The following WNK1 variants were observed in gnomAD, a reference collection of about 807,000 sequenced individuals.
WNK1 encodes serine/threonine-protein kinase WNK1.
A neutral mutation model predicts 222.8 loss-of-function variants in WNK1; 38 were observed. The ratio of observed to expected loss-of-function variants is 0.17; its 90% CI spans 0.13 to 0.22. The LOEUF (loss-of-function observed/expected upper bound fraction) is 0.22, where lower values mean the gene tolerates loss of function less well. Among genes scored for constraint, WNK1 ranks in the 10% least tolerant of loss-of-function variants. WNK1 has a pLI of 1.00. For synonymous variants in WNK1, 1,090 were observed against 1,092.9 expected, an observed-to-expected ratio of 1.00 and a Z score of 0.05; for missense variants, 2,348 against 2,918.4, an observed-to-expected ratio of 0.80 and a Z score of 4.50.
At chr12:852,047 G>A (rs969366252) in intron 4 of WNK1, among the ~76,000 whole-genome samples, 6 of 152,040 alleles carry the variant, frequency 3.9e-5, no homozygotes, top group Admixed American at 3.9e-4. Context: ...GTTACCCTAC[G>A]ACATTTGAAG....
At chr12:771,486 T>A (rs908748059) in intron 1 of WNK1, among the ~76,000 whole-genome samples, 1 of 151,932 alleles carries the variant, frequency 6.6e-6, no homozygotes, top group Non-Finnish European at 1.5e-5. Context: ...AATAGTTAAA[T>A]TTTTTTGTTT....
intron 1 of WNK1, among the ~76,000 whole-genome samples, chr12:802,285 A>G (rs904047297): frequency 2.0e-4 from 31 of 152,352 alleles, no homozygotes; most frequent in Non-Finnish European, 3.2e-4. Flanking sequence ...AAAAATATCA[A>G]GTAAATATTA....
At chr12:854,541 G>A (rs1333432919) in intron 4 of WNK1, among the ~76,000 whole-genome samples, 1 of 151,678 alleles carries the variant, frequency 6.6e-6, no homozygotes, top group African/African-American at 2.4e-5. Flanking sequence ...TAGAGACGGG[G>A]TTTCACCATG....
At chr12:824,916 CTCCA>C (rs1234609924) in intron 2 of WNK1, among the ~76,000 whole-genome samples, 2 of 152,238 alleles carry the variant, frequency 1.3e-5, no homozygotes, top group South Asian at 4.1e-4. Context: ...TTTATTCATC[CTCCA>C]TCCATCTTAT....
intron 8 of WNK1, chr12:868,650 GCTC>G: frequency 1.2e-6 from 2 of 1,614,016 alleles, no homozygotes; most frequent in Non-Finnish European, 1.7e-6. Context: ...CACACACCAA[GCTC>G]CTCTTCAGGA....
At chr12:816,724 T>G (rs1046640458) in intron 2 of WNK1, among the ~76,000 whole-genome samples, 2 of 152,176 alleles carry the variant, frequency 1.3e-5, no homozygotes, top group Non-Finnish European at 2.9e-5. Context: ...CGGGGACATT[T>G]TCACAGTTCC....
intron 8 of WNK1, chr12:867,891 G>C (rs760693826): frequency 6.2e-7 from 1 of 1,613,928 alleles, no homozygotes; most frequent in Non-Finnish European, 8.5e-7. Context: ...CATCCGTGTG[G>C]GGGGACCCCA....
chr12:880,080 A>G (rs1250506085), intron 11 of WNK1, 49 bp downstream of exon 11: 7 of 1,549,456 alleles, frequency 4.5e-6, no homozygotes, highest in Non-Finnish European at 6.2e-6. Flanking sequence ...TGATCCTAGT[A>G]GATCATCAGG....
intron 21 of WNK1, among the ~76,000 whole-genome samples, chr12:889,556 C>T (rs1165950490): frequency 2.6e-5 from 4 of 152,158 alleles, no homozygotes; most frequent in African/African-American, 9.7e-5. Flanking sequence ...CAGTGGCTCA[C>T]GCCTGTAATC....
At chr12:826,994 C>A in intron 2 of WNK1, 48 bp from the exon 3 acceptor site, 1 of 1,499,822 alleles carries the variant, frequency 6.7e-7, no homozygotes, top group Non-Finnish European at 9.3e-7. Flanking sequence ...TTCAAAGCAA[C>A]AAACTCCTAT....
In WNK1 at chr12:880,871, G is replaced by T. The variant is rs754908616; in HGVS notation, c.2983G>T (p.Val995Leu). The change falls in exon 12 of 28, where the codon GTG becomes TTG. Residue 995 changes from valine to leucine, a missense_variant. By Grantham distance (32) the Val-to-Leu change is conservative. Transcript: ENST00000315939. The stretch of plus-strand genomic sequence containing the variant: ...TACACCTGGGTACTTTCCCACAGTG[G>T]TGCAGCCTTATGTGGAATCAAATCT... ...LATPGYFPTV[V>L]QPYVESNLLV... 4 of 1,614,022 alleles carry T rather than the reference G, an allele frequency of 2.5e-6. No homozygotes were observed. The highest frequency in any genetic ancestry group is 2.7e-5 in the African/African-American group (2 of 74,898).
chr12:854,506 C>T (rs570023918), intron 4 of WNK1, among the ~76,000 whole-genome samples: 2 of 151,812 alleles, frequency 1.3e-5, no homozygotes, highest in South Asian at 2.1e-4. Flanking sequence ...TACAGGCACC[C>T]GCCATCATGC....
intron 4 of WNK1, among the ~76,000 whole-genome samples, chr12:849,725 A>G (rs987014861): frequency 3.0e-5 from 4 of 133,606 alleles, no homozygotes; most frequent in African/African-American, 5.6e-5. Flanking sequence ...CCCTACCCCC[A>G]CCCCACAACA....
At position 862,089 on chromosome 12, in the gene WNK1, G is replaced by A; in HGVS notation, c.1958G>A (p.Gly653Glu). The change falls in exon 8 of 28, where the codon GGG (glycine) becomes GAG (glutamate). Residue 653 changes from glycine (G) to glutamate (E), a missense_variant. Coordinates refer to ENST00000315939, the MANE Select transcript of WNK1 (RefSeq NM_018979.4). ...QQPSISVLSDGTVDSGQGSSV... is the reference protein window; with the variant it reads ...QQPSISVLSDETVDSGQGSSV... Reference sequence around the variant, plus strand: ...CGATTCATTTTTCCTTCAGCTGATGGGACGGTTGACAGTGGTCAGGGATCC... The same window carrying A: ...CGATTCATTTTTCCTTCAGCTGATGAGACGGTTGACAGTGGTCAGGGATCC... 1 of 1,613,694 alleles carries A rather than the reference G, an allele frequency of 6.2e-7. No homozygotes were observed. The highest frequency in any genetic ancestry group is 2.2e-5 in the East Asian group (1 of 44,894).
intron 2 of WNK1, among the ~76,000 whole-genome samples, chr12:814,688 T>C (rs1410282240): frequency 1.3e-5 from 2 of 152,158 alleles, no homozygotes; most frequent in African/African-American, 4.8e-5. Context: ...GTCCCCAACC[T>C]TTTTGGCATC....
chr12:754,939 C>A (rs576828585), intron 1 of WNK1, among the ~76,000 whole-genome samples: 1 of 152,306 alleles, frequency 6.6e-6, no homozygotes, highest in Non-Finnish European at 1.5e-5. Flanking sequence ...TCTTTCAGCC[C>A]ATTCACTATA....
chr12:899,161 A>AGC (rs2154097422), intron 25 of WNK1, among the ~76,000 whole-genome samples: 1 of 152,354 alleles, frequency 6.6e-6, no homozygotes, highest in African/African-American at 2.4e-5. Flanking sequence ...AGCAGTTGCA[A>AGC]ACTTCTTAGC....
At chr12:826,608 C>A (rs1423876649) in intron 2 of WNK1, among the ~76,000 whole-genome samples, 2 of 152,206 alleles carry the variant, frequency 1.3e-5, no homozygotes, top group African/African-American at 4.8e-5. Context: ...AACTACTCCA[C>A]TATTTAACAG....
chr12:796,542 C>T (rs1195079362), intron 1 of WNK1, among the ~76,000 whole-genome samples: 1 of 152,162 alleles, frequency 6.6e-6, no homozygotes, highest in African/African-American at 2.4e-5. Flanking sequence ...TCCCAAAGTG[C>T]TGGGATTACA....
Sources: gnomAD v4.1 joint callset for allele counts (sites outside exome capture counted in the v4.1 genomes callset) on GRCh38, gnomAD v4.1.1 for gene constraint, MANE v1.5 for transcripts, NCBI Gene and HGNC (gene_info 2026-07-23, HGNC 2026-07-21) for gene names.